Variants in TMTC2 observed in about 807,000 individuals in gnomAD.
TMTC2 encodes transmembrane O-mannosyltransferase targeting cadherins 2, also known as protein O-mannosyl-transferase TMTC2.
In TMTC2, 43 loss-of-function variants were observed where a neutral mutation model predicts 82.4. That is an observed-to-expected ratio of 0.52 (90% CI 0.41 to 0.67). The LOEUF is 0.67. Ranked by LOEUF, TMTC2 falls within the 30% of genes least tolerant of loss-of-function variation. The pLI is 0.00. For synonymous variants in TMTC2, 408 were observed against 381.9 expected, an observed-to-expected ratio of 1.07 and a Z score of -0.80; for missense variants, 919 against 1,012.4, an observed-to-expected ratio of 0.91 and a Z score of 1.25.
At chr12:83,090,819 C>G (rs1271441055) in intron 11 of TMTC2, among the ~76,000 whole-genome samples, 1 of 152,210 alleles carries the variant, frequency 6.6e-6, no homozygotes, top group Non-Finnish European at 1.5e-5. Context: ...ATTCCTCTTA[C>G]ACCAGCACTC....
intron 11 of TMTC2, among the ~76,000 whole-genome samples, chr12:83,101,794 A>G (rs1390489735): frequency 6.6e-6 from 1 of 152,234 alleles, no homozygotes; most frequent in East Asian, 1.9e-4. Flanking sequence ...CAAAAAATAT[A>G]AAAGTAGTAA....
rs750630399 is a variant in TMTC2, at chr12:82,895,948, A to T, written c.785A>T (p.Asp262Val). 2.7e-5 allele frequency: 43 copies of T among 1,613,800 alleles called. No homozygotes were observed. Among genetic ancestry groups the T allele is most frequent in the Non-Finnish European group, 3.5e-5 (41 of 1,180,014 alleles). The change falls in exon 3 of 12, where the codon GAT becomes GTT. Residue 262 changes from aspartate (D) to valine (V), a missense_variant. Transcript: ENST00000321196. ...TCCAACTCGGACAACCCCGCTGCTG[A>T]TTCGGACAGCCTCCTCACCCGCACT... ...SFSNSDNPAADSDSLLTRTLT... is the reference protein window; with the variant it reads ...SFSNSDNPAAVSDSLLTRTLT...
At chr12:82,977,407 A>T (rs1003594589) in intron 7 of TMTC2, among the ~76,000 whole-genome samples, 6 of 151,882 alleles carry the variant, frequency 4.0e-5, no homozygotes, top group African/African-American at 1.4e-4. Context: ...CCAGACCAAT[A>T]GGACAAAGTG....
intron 1 of TMTC2, among the ~76,000 whole-genome samples, chr12:82,844,504 T>C (rs1870521606): frequency 1.3e-5 from 2 of 152,132 alleles, no homozygotes; most frequent in Non-Finnish European, 2.9e-5. Context: ...TTCTCTCTTT[T>C]AGAATCTAGT....
At chr12:82,941,160 T>G (rs1234779179) in intron 4 of TMTC2, among the ~76,000 whole-genome samples, 1 of 152,154 alleles carries the variant, frequency 6.6e-6, no homozygotes, top group Non-Finnish European at 1.5e-5. Context: ...TTGTGATATT[T>G]AGGAGGGAGA....
intron 1 of TMTC2, among the ~76,000 whole-genome samples, chr12:82,708,189 GAAA>G (rs1873460263): frequency 6.6e-6 from 1 of 152,128 alleles, no homozygotes; most frequent in African/African-American, 2.4e-5. Context: ...GCCCTTAACC[GAAA>G]AAGTTTGCCA....
chr12:82,706,717 A>G (rs1434093156), intron 1 of TMTC2, among the ~76,000 whole-genome samples: 1 of 152,190 alleles, frequency 6.6e-6, no homozygotes, highest in Non-Finnish European at 1.5e-5. Context: ...ACTTGACTTT[A>G]CTTGGTAAGT....
intron 4 of TMTC2, among the ~76,000 whole-genome samples, chr12:82,937,046 T>A (rs1374510162): frequency 6.6e-6 from 1 of 152,218 alleles, no homozygotes; most frequent in Non-Finnish European, 1.5e-5. Context: ...ATAAAGAGCT[T>A]TCTTGAATTG....
intron 3 of TMTC2, among the ~76,000 whole-genome samples, chr12:82,919,665 G>A (rs953384619): frequency 4.6e-5 from 7 of 152,264 alleles, no homozygotes; most frequent in East Asian, 1.9e-4. Flanking sequence ...AGGCATTCTC[G>A]TTCTAAAAGG....
intron 3 of TMTC2, among the ~76,000 whole-genome samples, chr12:82,911,349 G>A (rs1257488453): frequency 4.8e-5 from 3 of 62,818 alleles, no homozygotes; most frequent in Non-Finnish European, 6.5e-5. Flanking sequence ...CCCCACCCCC[G>A]CCCACCTCCA....
intron 1 of TMTC2, chr12:82,759,864 T>C (rs544500267): frequency 6.6e-6 from 1 of 152,322 alleles, no homozygotes; most frequent in South Asian, 2.1e-4. Flanking sequence ...TTTAAAGTGA[T>C]TTGGATAAAT....
At chr12:82,863,921 A>G (rs914776580) in intron 2 of TMTC2, among the ~76,000 whole-genome samples, 1 of 152,162 alleles carries the variant, frequency 6.6e-6, no homozygotes, top group Admixed American at 6.5e-5. Flanking sequence ...TAAGGGAGCC[A>G]TTGAGAATGG....
At chr12:82,858,647 T>C (rs965180738) in intron 2 of TMTC2, among the ~76,000 whole-genome samples, 11 of 142,574 alleles carry the variant, frequency 7.7e-5, no homozygotes, top group Middle Eastern at 3.6e-3. Context: ...TTAAATGCCC[T>C]TTTTTTTTTT....
chr12:82,831,577 G>A (rs761804643), intron 1 of TMTC2, among the ~76,000 whole-genome samples: 3 of 152,148 alleles, frequency 2.0e-5, no homozygotes, highest in African/African-American at 2.4e-5. Context: ...GTTTCTTCTT[G>A]TGGGTGATCT....
chr12:82,801,799 G>T (rs541048167), intron 1 of TMTC2, among the ~76,000 whole-genome samples: 22 of 152,156 alleles, frequency 1.4e-4, no homozygotes, highest in Non-Finnish European at 2.9e-4. Context: ...AGATTAGCTA[G>T]ATACGGAGTG....
At chr12:82,875,984 G>A (rs1872467667) in intron 2 of TMTC2, among the ~76,000 whole-genome samples, 1 of 142,684 alleles carries the variant, frequency 7.0e-6, no homozygotes, top group Non-Finnish European at 1.5e-5. Context: ...CAGAGTTGTT[G>A]TTGGTGGTGT....
chr12:82,788,024 G>T (rs1417890623), intron 1 of TMTC2, among the ~76,000 whole-genome samples: 1 of 151,988 alleles, frequency 6.6e-6, no homozygotes, highest in Non-Finnish European at 1.5e-5. Context: ...TTTTAAGAAC[G>T]TGGTTACGTG....
chr12:82,735,395 G>T (rs1195732991), intron 1 of TMTC2, among the ~76,000 whole-genome samples: 1 of 151,092 alleles, frequency 6.6e-6, no homozygotes. Flanking sequence ...GCCCAGGCTG[G>T]AGTGCAGTGG....
intron 1 of TMTC2, among the ~76,000 whole-genome samples, chr12:82,823,263 A>T (rs771910304): frequency 4.6e-5 from 7 of 152,224 alleles, no homozygotes; most frequent in Non-Finnish European, 8.8e-5. Flanking sequence ...ATCCTCTCAC[A>T]GAACTCGGGA....
Sources: gnomAD v4.1 joint callset for allele counts (sites outside exome capture counted in the v4.1 genomes callset) on GRCh38, gnomAD v4.1.1 for gene constraint, MANE v1.5 for transcripts, NCBI Gene and HGNC (gene_info 2026-07-23, HGNC 2026-07-21) for gene names.